The following PRR16 variants were observed in gnomAD, a reference collection of about 807,000 sequenced individuals.
The protein encoded by PRR16 is protein Largen.
Under a neutral mutation model 18.2 loss-of-function variants are expected in PRR16, and 6 were observed. That is an observed-to-expected ratio of 0.33 (90% CI 0.18 to 0.65). The LOEUF (loss-of-function observed/expected upper bound fraction) is 0.65. Among genes scored for constraint, PRR16 ranks in the 30% least tolerant of loss-of-function variants. PRR16 has a pLI of 0.74. For synonymous variants in PRR16, 151 were observed against 147.8 expected (o/e 1.02, Z -0.16); for missense variants, 412 against 376.6 (o/e 1.09, Z -0.78).
intron 1 of PRR16, among the ~76,000 whole-genome samples, chr5:120,621,846 C>T (rs1754700576): frequency 6.6e-6 from 1 of 152,152 alleles, no homozygotes; most frequent in South Asian, 2.1e-4. Context: ...AACCTCTTTC[C>T]TTTATAAATG....
intron 1 of PRR16, among the ~76,000 whole-genome samples, chr5:120,526,759 G>C (rs747849629): frequency 3.3e-4 from 50 of 152,260 alleles, no homozygotes; most frequent in Non-Finnish European, 5.7e-4. Context: ...ATTATTTGCT[G>C]TTTCCCAGCA....
At chr5:120,527,746 A>T (rs1017172854) in intron 1 of PRR16, among the ~76,000 whole-genome samples, 4 of 152,194 alleles carry the variant, frequency 2.6e-5, no homozygotes, top group East Asian at 3.9e-4. Flanking sequence ...CAGGGTTGAC[A>T]AATGCCTTCC....
the PRR16 span, among the ~76,000 whole-genome samples, chr5:120,759,692 A>T: frequency 2.0e-5 from 3 of 152,158 alleles, no homozygotes; most frequent in African/African-American, 7.2e-5. Flanking sequence ...AAAATCAGTT[A>T]AAAGTTTTGG....
chr5:120,763,519 A>T, the PRR16 span, among the ~76,000 whole-genome samples: 23 of 152,118 alleles, frequency 1.5e-4, no homozygotes, highest in Admixed American at 1.3e-4. Context: ...CTTTTTGCTC[A>T]GGATTGCTTT....
chr5:120,565,549 G>T (rs1454981), intron 1 of PRR16, among the ~76,000 whole-genome samples: 119,728 of 152,152 alleles, frequency 0.79, 47,983 homozygotes, highest in Non-Finnish European at 0.83. Context: ...TTCATCAAAA[G>T]GTGACCTGGA....
intron 1 of PRR16, among the ~76,000 whole-genome samples, chr5:120,546,424 T>A (rs1229623845): frequency 6.6e-6 from 1 of 152,112 alleles, no homozygotes; most frequent in Non-Finnish European, 1.5e-5. Flanking sequence ...TCTTCCATCA[T>A]TAAAAACTAG....
At chr5:120,470,432 C>G (rs1031581632) in intron 1 of PRR16, among the ~76,000 whole-genome samples, 10 of 151,960 alleles carry the variant, frequency 6.6e-5, no homozygotes, top group African/African-American at 2.4e-4. Context: ...GTCATATTTT[C>G]TTTTAGTCTT....
chr5:120,563,224 G>C (rs78183835), intron 1 of PRR16, among the ~76,000 whole-genome samples: 1 of 152,148 alleles, frequency 6.6e-6, no homozygotes, highest in Admixed American at 6.5e-5. Flanking sequence ...TCTCACCAAG[G>C]CCTGCTGTAA....
At chr5:120,748,731 T>C in the PRR16 span, among the ~76,000 whole-genome samples, 2 of 152,056 alleles carry the variant, frequency 1.3e-5, no homozygotes, top group Admixed American at 1.3e-4. Flanking sequence ...ATAAATGAGA[T>C]GTCATAAATC....
At chr5:120,617,199 C>A in intron 1 of PRR16, 1 of 983,008 alleles carries the variant, frequency 1.0e-6, no homozygotes, top group African/African-American at 1.7e-5. Context: ...GAAGGTCAGC[C>A]CCACCTTAAC....
At chr5:120,498,194 C>CT (rs1750324316) in intron 1 of PRR16, among the ~76,000 whole-genome samples, 1 of 150,878 alleles carries the variant, frequency 6.6e-6, no homozygotes, top group Non-Finnish European at 1.5e-5. Context: ...ATTTTGACAT[C>CT]TGTTTTCTGT....
At chr5:120,685,487 T>C (rs1367634075) in intron 1 of PRR16, among the ~76,000 whole-genome samples, 1 of 152,140 alleles carries the variant, frequency 6.6e-6, no homozygotes, top group Non-Finnish European at 1.5e-5. Flanking sequence ...AACAGTTGAG[T>C]TCATTTGGTT....
At chr5:120,551,470 A>G (rs976527424) in intron 1 of PRR16, among the ~76,000 whole-genome samples, 1 of 152,040 alleles carries the variant, frequency 6.6e-6, no homozygotes, top group Non-Finnish European at 1.5e-5. Flanking sequence ...AAATGTGGAT[A>G]ATAAGAACTG....
chr5:120,671,406 A>C (rs1009435747), intron 1 of PRR16, among the ~76,000 whole-genome samples: 4 of 152,210 alleles, frequency 2.6e-5, no homozygotes, highest in African/African-American at 9.6e-5. Context: ...TTACCTTTAC[A>C]TGCAGTAGTG....
At chr5:120,550,440 T>A (rs1320907984) in intron 1 of PRR16, among the ~76,000 whole-genome samples, 2 of 152,016 alleles carry the variant, frequency 1.3e-5, no homozygotes, top group Non-Finnish European at 2.9e-5. Flanking sequence ...TAACTGAAGA[T>A]GAAATAAAGT....
At chr5:120,470,621 A>G (rs1749237045) in intron 1 of PRR16, among the ~76,000 whole-genome samples, 1 of 152,118 alleles carries the variant, frequency 6.6e-6, no homozygotes, top group African/African-American at 2.4e-5. Context: ...TGGTTATTAA[A>G]CGTCACTAGA....
intron 1 of PRR16, among the ~76,000 whole-genome samples, chr5:120,644,066 A>T (rs1755511325): frequency 6.6e-6 from 1 of 152,064 alleles, no homozygotes; most frequent in African/African-American, 2.4e-5. Context: ...AACTCCCTGG[A>T]TAGAGCTCAA....
chr5:120,691,502 C>A (rs1356466470), downstream of PRR16, among the ~76,000 whole-genome samples: 1 of 151,964 alleles, frequency 6.6e-6, no homozygotes, highest in Non-Finnish European at 1.5e-5. Context: ...TGGATCTTTT[C>A]CCTAAGAAGT....
intron 1 of PRR16, among the ~76,000 whole-genome samples, chr5:120,641,068 A>G (rs1242685837): frequency 6.6e-6 from 1 of 152,174 alleles, no homozygotes; most frequent in Admixed American, 6.6e-5. Flanking sequence ...GAGGAGCCAA[A>G]GGGTAATAAC....
Sources: gnomAD v4.1 joint callset for allele counts (sites outside exome capture counted in the v4.1 genomes callset) on GRCh38, gnomAD v4.1.1 for gene constraint, MANE v1.5 for transcripts, NCBI Gene and HGNC (gene_info 2026-07-23, HGNC 2026-07-21) for gene names.